Variants in ELANE observed in about 807,000 individuals in gnomAD.
The protein encoded by ELANE is elastase, neutrophil expressed.
A neutral mutation model predicts 20.6 loss-of-function variants in ELANE; 12 were observed. The observed-to-expected ratio is 0.58, with a 90% CI of 0.37 to 0.94. The LOEUF is 0.94. ELANE is among the 40% of genes least tolerant of loss of function. The pLI, the probability that ELANE is intolerant of heterozygous loss-of-function variation, is 0.01. For synonymous variants in ELANE, 203 were observed against 177.4 expected (o/e 1.14, Z -1.15); for missense variants, 388 against 395.2 (o/e 0.98, Z 0.15).
chr19:852,306 G>T lies in ELANE; in HGVS notation c.-23G>T. 1 of 1,604,662 alleles carries T rather than the reference G, an allele frequency of 6.2e-7. No individual in the cohort carries two copies. ...AGCCGGGCGGGCACGGAGGGGCAGA[G>T]ACCCCGGAGCCCCAGCCCCACCATG... is the stretch of plus-strand genomic sequence containing the variant. On this transcript the variant is annotated 5_prime_UTR_variant, in exon 1 of 5. Transcript: ENST00000263621.
In ELANE at chr19:853,255, CCGGCAGAAACGTCCGCG is replaced by C; in HGVS notation, c.225-3_238del. Reference sequence around the variant, plus strand: ...GCCCCTGAGCCCCGCCTCTCCCTCCCCGGCAGAAACGTCCGCGCGGTGCGGGTGGTCCTGGGAGCCCA... The same window carrying C: ...GCCCCTGAGCCCCGCCTCTCCCTCCCCGGTGCGGGTGGTCCTGGGAGCCCA... On this transcript the variant is annotated splice_acceptor_variant and splice_polypyrimidine_tract_variant and coding_sequence_variant and intron_variant, in exon 3 of 5. Coordinates refer to ENST00000263621, the MANE Select transcript of ELANE (RefSeq NM_001972.4). LOFTEE classifies it high-confidence loss of function. 1 of 1,591,934 alleles carries C rather than the reference CCGGCAGAAACGTCCGCG, an allele frequency of 6.3e-7. No homozygotes were observed. Among genetic ancestry groups the C allele is most frequent in the South Asian group, 1.1e-5 (1 of 88,364 alleles).
Position 853,323 on chromosome 19 carries a change from C to A in ELANE, c.286C>A (p.Arg96=), listed in dbSNP as rs777652186. The part of the protein sequence containing the change: ...AHNLSRREPT[R]QVFAVQRIFE... ...TAACCTCTCGCGGCGGGAGCCCACC[C>A]GGCAGGTGTTCGCCGTGCAGCGCAT... Residue 96 remains arginine, a synonymous_variant, in exon 3 of 5, where the codon CGG becomes AGG. Transcript: ENST00000263621. 6.2e-7 allele frequency: 1 copy of A among 1,610,856 alleles called. No homozygotes were observed. The highest frequency in any genetic ancestry group is 1.7e-5 in the Admixed American group (1 of 59,878).
At chr19:853,530 C>A in intron 3 of ELANE, 127 bp downstream of exon 3, 1 of 1,109,806 alleles carries the variant, frequency 9.0e-7, no homozygotes, top group South Asian at 1.5e-5. Context: ...GCTGGGTGGT[C>A]CCCTCTCCGC....
At position 852,364 on chromosome 19, in the gene ELANE, C is replaced by A. The variant is rs751186012; in HGVS notation, c.36C>A (p.Leu12=). The change falls in exon 1 of 5, where the codon CTC becomes CTA. Residue 12 remains leucine (L), a synonymous_variant. Coordinates refer to ENST00000263621, the MANE Select transcript of ELANE (RefSeq NM_001972.4). ...TLGRRLACLF[L]ACVLPALLLG... ...GCCGCCGACTCGCGTGTCTTTTCCT[C>A]GCCTGTGTCCTGCCGGCCTTGCTGC... The A allele has an allele frequency of 6.2e-7, 1 of 1,611,578 alleles. No homozygotes were observed. The highest frequency in any genetic ancestry group is 8.5e-7 in the Non-Finnish European group (1 of 1,179,956).
intron 3 of ELANE, among the ~76,000 whole-genome samples, chr19:854,129 G>A (rs2035636883): frequency 6.6e-6 from 1 of 152,222 alleles, no homozygotes; most frequent in South Asian, 2.1e-4. Context: ...TTCCACCCCT[G>A]TCCGCGGCTT....
chr19:854,660 T>C (rs901919268), intron 3 of ELANE, among the ~76,000 whole-genome samples: 20 of 146,382 alleles, frequency 1.4e-4, no homozygotes, highest in African/African-American at 4.3e-4. Flanking sequence ...CACACACACA[T>C]ACATATATTA....
chr19:853,309 G>A lies in ELANE; in HGVS notation c.272G>A (p.Arg91Gln), dbSNP rs1201600992. ...RVVLGAHNLS[R>Q]REPTRQVFAV... is the part of the protein sequence containing the mutation. Reference sequence around the variant, plus strand: ...GTCCTGGGAGCCCATAACCTCTCGCGGCGGGAGCCCACCCGGCAGGTGTTC... The same window carrying A: ...GTCCTGGGAGCCCATAACCTCTCGCAGCGGGAGCCCACCCGGCAGGTGTTC... The change falls in exon 3 of 5, where the codon CGG becomes CAG. Residue 91 changes from arginine to glutamine, a missense_variant. Around this residue, in one of 3 missense-constraint regions of ELANE, gnomAD observed 321 missense variants for 309.8 expected, o/e 1.04. Coordinates refer to ENST00000263621, the MANE Select transcript of ELANE (RefSeq NM_001972.4). 1 of 1,610,906 alleles carries A rather than the reference G, an allele frequency of 6.2e-7. No homozygotes were observed. The highest frequency in any genetic ancestry group is 8.5e-7 in the Non-Finnish European group (1 of 1,179,042).
chr19:853,525 G>A (rs1875473507), intron 3 of ELANE, 122 bp downstream of exon 3: 2 of 1,194,454 alleles, frequency 1.7e-6, no homozygotes, highest in Admixed American at 4.7e-5. Context: ...CGTGGGCTGG[G>A]TGGTCCCCTC....
At chr19:854,976 C>A (rs1206548206) in intron 3 of ELANE, among the ~76,000 whole-genome samples, 4 of 151,800 alleles carry the variant, frequency 2.6e-5, no homozygotes, top group Admixed American at 2.6e-4. Context: ...GCCTCAGCCT[C>A]CCAGGTAGCT....
At chr19:853,087 G>C (rs1414356913) in intron 2 of ELANE, 55 bp downstream of exon 2, 4 of 1,522,398 alleles carry the variant, frequency 2.6e-6, no homozygotes, top group African/African-American at 2.8e-5. Context: ...CGGTCTGTGA[G>C]GTGGGTGGGG....
At chr19:854,899 G>T (rs1356160257) in intron 3 of ELANE, among the ~76,000 whole-genome samples, 2 of 150,656 alleles carry the variant, frequency 1.3e-5, no homozygotes, top group Admixed American at 1.3e-4. Context: ...TGTCGCCCAG[G>T]CTGGAGCGCA....
In ELANE at chr19:852,863, G is replaced by A. The variant is rs371409487; in HGVS notation, c.68-13G>A. 78 of 1,593,252 alleles carry A rather than the reference G, an allele frequency of 4.9e-5. No individual in the cohort carries two copies. Among genetic ancestry groups the A allele is most frequent in the Middle Eastern group, 1.7e-4 (1 of 5,748 alleles). On this transcript the variant is annotated splice_polypyrimidine_tract_variant and intron_variant, in intron 1 of 4. Transcript: ENST00000263621. ...TGGCAGGCACTCAGCACCCGCACCC[G>A]GTGTGTCCCCAGGCACCGCGCTGGC...
intron 3 of ELANE, 75 bp downstream of exon 3, chr19:853,478 G>A (rs926828843): frequency 2.2e-4 from 325 of 1,511,370 alleles, no homozygotes; most frequent in Middle Eastern, 4.0e-4. Flanking sequence ...CGACGGAGGG[G>A]CGCGTCGGGG....
Position 856,140 on chromosome 19 carries a change from G to A in ELANE, c.780G>A (p.Pro260=), listed in dbSNP as rs201284307. ...EDNPCPHPRD[P]DPASRTH is the part of the protein sequence containing the mutation. ...ACCCCTGTCCCCACCCCCGGGACCC[G>A]GACCCGGCCAGCAGGACCCACTGAG... The change falls in exon 5 of 5, where the codon CCG becomes CCA. Residue 260 remains proline, a synonymous_variant. Transcript: ENST00000263621. The A allele has an allele frequency of 1.7e-5, 28 of 1,612,728 alleles. No individual in the cohort carries two copies. Among genetic ancestry groups the A allele is most frequent in the Non-Finnish European group, 2.1e-5 (25 of 1,180,028 alleles).
Position 852,346 on chromosome 19 carries a change from A to C in ELANE, c.18A>C (p.Arg6=). The change falls in exon 1 of 5, where the codon CGA becomes CGC. Residue 6 remains arginine, a synonymous_variant. Coordinates refer to ENST00000263621, the MANE Select transcript of ELANE (RefSeq NM_001972.4). ...GCCCCACCATGACCCTCGGCCGCCG[A>C]CTCGCGTGTCTTTTCCTCGCCTGTG... MTLGR[R]LACLFLACVL... 6.2e-7 allele frequency: 1 copy of C among 1,609,820 alleles called. No individual in the cohort carries two copies. Among genetic ancestry groups the C allele is most frequent in the Non-Finnish European group, 8.5e-7 (1 of 1,179,738 alleles).
At chr19:854,683 A>T (rs957576431) in intron 3 of ELANE, among the ~76,000 whole-genome samples, 1 of 146,264 alleles carries the variant, frequency 6.8e-6, no homozygotes, top group African/African-American at 2.5e-5. Flanking sequence ...AATAATAAAT[A>T]TATATTTTAT....
At position 856,030 on chromosome 19, in the gene ELANE, G is replaced by A. The variant is rs1243076107; in HGVS notation, c.670G>A (p.Ala224Thr). 2.5e-6 allele frequency: 4 copies of A among 1,613,432 alleles called. No individual in the cohort carries two copies. Among genetic ancestry groups the A allele is most frequent in the East Asian group, 2.2e-5 (1 of 44,892 alleles). ...TGCCTCCTTCGTCCGGGGAGGCTGCGCCTCAGGGCTCTACCCCGATGCCTT... is the reference window on the plus strand; with the variant it reads ...TGCCTCCTTCGTCCGGGGAGGCTGCACCTCAGGGCTCTACCCCGATGCCTT... ...GIASFVRGGC[A>T]SGLYPDAFAP... The change falls in exon 5 of 5, where the codon GCC (alanine) becomes ACC (threonine). Residue 224 changes from alanine (A) to threonine (T), a missense_variant. Coordinates refer to ENST00000263621, the MANE Select transcript of ELANE (RefSeq NM_001972.4).
At position 854,841 on chromosome 19, in the gene ELANE, T is replaced by A. The variant is rs561243560; in HGVS notation, c.367-723T>A. ...AAATATTTTTATAAAATAATAAAAATATATATATACACACATATATATATA... is the reference window on the plus strand; with the variant it reads ...AAATATTTTTATAAAATAATAAAAAAATATATATACACACATATATATATA... On this transcript the variant is annotated intron_variant, in intron 3 of 4. Coordinates refer to ENST00000263621, the MANE Select transcript of ELANE (RefSeq NM_001972.4). 3.1e-3 allele frequency among the ~76,000 whole-genome samples: 457 copies of A among 147,124 alleles called. 1 individual carries two copies. Among genetic ancestry groups the A allele is most frequent in the African/African-American group, 9.4e-3 (381 of 40,482 alleles).
chr19:852,561 C>T (rs1277498416), intron 1 of ELANE, among the ~76,000 whole-genome samples, 166 bp downstream of exon 1: 10 of 130,426 alleles, frequency 7.7e-5, no homozygotes, highest in African/African-American at 3.0e-4. Context: ...AAGCCACCAC[C>T]AGGAGCCCAG....
Sources: gnomAD v4.1 joint callset for allele counts (sites outside exome capture counted in the v4.1 genomes callset) on GRCh38, gnomAD v4.1.1 for gene constraint, gnomAD v4.1.1 regional missense constraint, MANE v1.5 for transcripts, NCBI Gene and HGNC (gene_info 2026-07-23, HGNC 2026-07-21) for gene names.